DPP10: variants seen among roughly 807,000 people sequenced by gnomAD.
DPP10 encodes the protein inactive dipeptidyl peptidase 10.
DPP10 carries 33 observed loss-of-function variants against 120.9 expected under a neutral mutation model. The ratio of observed to expected loss-of-function variants is 0.27; its 90% CI spans 0.21 to 0.37. The LOEUF (loss-of-function observed/expected upper bound fraction) is 0.37, where lower values mean the gene tolerates loss of function less well. Among genes scored for constraint, DPP10 ranks in the 10% least tolerant of loss-of-function variants. The pLI, the probability that DPP10 is intolerant of heterozygous loss-of-function variation, is 1.00. For missense variants in DPP10, 816 were observed against 942.8 expected (o/e 0.87, Z 1.76); for synonymous variants, 337 against 326.1 (o/e 1.03, Z -0.36).
chr2:115,423,614 G>A (rs535411883), intron 3 of DPP10, among the ~76,000 whole-genome samples: 73 of 152,170 alleles, frequency 4.8e-4, no homozygotes, highest in Middle Eastern at 3.4e-3. Flanking sequence ...GAAAAAGGAT[G>A]TCCTAAAATG....
rs556871740 is a variant in DPP10 at position 115,656,016 on chromosome 2, A to G, written c.442-33671A>G. On this transcript the variant is annotated intron_variant, in intron 5 of 25. Coordinates refer to ENST00000410059, the MANE Select transcript of DPP10 (RefSeq NM_020868.6). Reference sequence around the variant, plus strand: ...TTTCAATGGGTATAAAGTTTCTGTTATGCATAATAAATAAGTTCTAAATAT... The same window carrying G: ...TTTCAATGGGTATAAAGTTTCTGTTGTGCATAATAAATAAGTTCTAAATAT... 2.8e-4 allele frequency among the ~76,000 whole-genome samples: 43 copies of G among 151,626 alleles called. No individual in the cohort carries two copies. In the Middle Eastern group the frequency reaches 0.014, roughly 48 times the overall value.
At chr2:115,332,939 C>A (rs1014962962) in intron 2 of DPP10, among the ~76,000 whole-genome samples, 4 of 152,048 alleles carry the variant, frequency 2.6e-5, no homozygotes, top group Non-Finnish European at 5.9e-5. Flanking sequence ...TCTATTAGGT[C>A]CACTTGGTGC....
chr2:114,525,330 G>A (rs1460120805), intron 1 of DPP10, among the ~76,000 whole-genome samples: 2 of 152,130 alleles, frequency 1.3e-5, no homozygotes, highest in Admixed American at 6.5e-5. Context: ...TGGTAAAGAG[G>A]CCCTCTTCAG....
chr2:114,739,483 A>AC (rs1257703580), intron 1 of DPP10, among the ~76,000 whole-genome samples: 7 of 151,902 alleles, frequency 4.6e-5, no homozygotes, highest in South Asian at 4.1e-4. Context: ...ACATAGCAAA[A>AC]CCCCATCTCT....
At chr2:115,626,666 G>A (rs1186568302) in intron 5 of DPP10, among the ~76,000 whole-genome samples, 1 of 152,138 alleles carries the variant, frequency 6.6e-6, no homozygotes, top group Non-Finnish European at 1.5e-5. Context: ...CACAAATATG[G>A]AATGGGTATG....
intron 3 of DPP10, among the ~76,000 whole-genome samples, chr2:115,358,176 C>G (rs910557158): frequency 6.6e-6 from 1 of 152,094 alleles, no homozygotes; most frequent in Non-Finnish European, 1.5e-5. Flanking sequence ...TTTTTCTTTT[C>G]TATCATATCA....
chr2:115,029,265 A>G (rs967065967), intron 1 of DPP10, among the ~76,000 whole-genome samples: 40 of 151,632 alleles, frequency 2.6e-4, no homozygotes, highest in African/African-American at 9.7e-4. Context: ...TACATATTTT[A>G]TATTGCCTAT....
intron 1 of DPP10, among the ~76,000 whole-genome samples, chr2:115,291,486 T>C (rs2060652477): frequency 6.6e-6 from 1 of 152,174 alleles, no homozygotes; most frequent in South Asian, 2.1e-4. Context: ...TGGTGTGTTT[T>C]GTCTTTCATC....
chr2:114,564,779 C>T (rs1689071766), intron 1 of DPP10, among the ~76,000 whole-genome samples: 1 of 152,140 alleles, frequency 6.6e-6, no homozygotes, highest in Non-Finnish European at 1.5e-5. Context: ...AAGAATATCT[C>T]AGGAACGATT....
At chr2:115,695,456 G>T (rs62155265) in intron 7 of DPP10, among the ~76,000 whole-genome samples, 2 of 152,054 alleles carry the variant, frequency 1.3e-5, no homozygotes, top group East Asian at 1.9e-4. Context: ...AATCATGGTG[G>T]GAGGCAAAGG....
intron 5 of DPP10, among the ~76,000 whole-genome samples, chr2:115,571,620 T>G (rs1334510895): frequency 1.3e-5 from 2 of 152,022 alleles, no homozygotes; most frequent in Non-Finnish European, 2.9e-5. Flanking sequence ...TTTTGTTCTC[T>G]CTTAATGACA....
chr2:114,897,466 G>A (rs1007130438), intron 1 of DPP10, among the ~76,000 whole-genome samples: 16 of 152,140 alleles, frequency 1.1e-4, no homozygotes, highest in Admixed American at 6.5e-4. Context: ...AGCACCAAAA[G>A]CAATGGCAAC....
In DPP10 at chr2:115,730,569, C is replaced by T. The variant is rs1004199870; in HGVS notation, c.697+2633C>T. ...GTAGACCATGCTTATTGTGCTGCTCCGTCCCGAATTAAGATGACTTGGGTC... is the reference window on the plus strand; with the variant it reads ...GTAGACCATGCTTATTGTGCTGCTCTGTCCCGAATTAAGATGACTTGGGTC... On this transcript the variant is annotated intron_variant, in intron 8 of 25. Coordinates refer to ENST00000410059, the MANE Select transcript of DPP10 (RefSeq NM_020868.6). Among the ~76,000 whole-genome samples, 13 of 152,242 alleles carry T rather than the reference C, an allele frequency of 8.5e-5. No individual in the cohort carries two copies. In the East Asian group the frequency reaches 1.2e-3, roughly 14 times the overall value.
rs186335934 is a variant in DPP10 at position 115,777,408 on chromosome 2, C to T, written c.1313+109C>T. ...CATAGTCCTAGTCAAAACAAGCCAGCCATGGAAAGAATAACCTTTCTTTAA... is the reference window on the plus strand; with the variant it reads ...CATAGTCCTAGTCAAAACAAGCCAGTCATGGAAAGAATAACCTTTCTTTAA... On this transcript the variant is annotated intron_variant, in intron 14 of 25. Transcript: ENST00000410059. The T allele has an allele frequency of 2.2e-5, 20 of 928,590 alleles. No homozygotes were observed. The Admixed American group carries it at 4.9e-4, about 23-fold the overall frequency. 57.5% of individuals were successfully genotyped at this position (928,590 alleles called of 1,614,324 possible).
chr2:114,848,057 T>A (rs1688678407), intron 1 of DPP10, among the ~76,000 whole-genome samples: 1 of 151,992 alleles, frequency 6.6e-6, no homozygotes, highest in African/African-American at 2.4e-5. Context: ...CCCTAAGGGG[T>A]CAAGGAATAT....
At chr2:115,781,125 TA>T in intron 16 of DPP10, 130 bp downstream of exon 16, 1 of 648,590 alleles carries the variant, frequency 1.5e-6, no homozygotes, top group Non-Finnish European at 2.4e-6. Context: ...TAATAGGATA[TA>T]CATTATATAT....
At chr2:114,614,418 A>T (rs1304689841) in intron 1 of DPP10, among the ~76,000 whole-genome samples, 1 of 152,142 alleles carries the variant, frequency 6.6e-6, no homozygotes, top group Non-Finnish European at 1.5e-5. Context: ...TTAAACAAAG[A>T]ACTTGTTTTC....
At chr2:115,315,276 T>C (rs535151964) in intron 2 of DPP10, among the ~76,000 whole-genome samples, 2,384 of 147,878 alleles carry the variant, frequency 0.016, 59 homozygotes, top group African/African-American at 0.055. Context: ...CACACACACA[T>C]ACACACACAC....
chr2:115,537,474 G>A (rs1282832491), intron 5 of DPP10, among the ~76,000 whole-genome samples: 1 of 151,528 alleles, frequency 6.6e-6, no homozygotes, highest in Non-Finnish European at 1.5e-5. Flanking sequence ...TAAGGCTTTA[G>A]AGAGATTTTA....
Sources: allele counts gnomAD v4.1 joint callset (sites outside exome capture counted in the v4.1 genomes callset), GRCh38; gene constraint gnomAD v4.1.1; transcripts MANE v1.5; gene names NCBI Gene and HGNC (gene_info 2026-07-23, HGNC 2026-07-21).